SYNJ1: variants seen among roughly 807,000 people sequenced by gnomAD.
The protein encoded by SYNJ1 is synaptojanin 1, also known as polyphosphatidylinositol phosphatase SYNJ1.
A neutral mutation model predicts 168.2 loss-of-function variants in SYNJ1; 78 were observed. The ratio of observed to expected loss-of-function variants is 0.46; its 90% CI spans 0.39 to 0.56. The LOEUF is 0.56. Ranked by LOEUF, SYNJ1 falls within the 20% of genes least tolerant of loss-of-function variation. The pLI, the probability that SYNJ1 is intolerant of heterozygous loss-of-function variation, is 0.00. For missense variants in SYNJ1, 1,303 were observed against 1,597.6 expected (o/e 0.82, Z 3.14); for synonymous variants, 539 against 548.6 (o/e 0.98, Z 0.24).
chr21:32,679,634 CA>C (rs2041546538), intron 11 of SYNJ1, among the ~76,000 whole-genome samples: 1 of 152,120 alleles, frequency 6.6e-6, no homozygotes, highest in Non-Finnish European at 1.5e-5. Context: ...AACAGTAACT[CA>C]AGGCTTCTTT....
chr21:32,672,132 G>C (rs542351208), intron 14 of SYNJ1, among the ~76,000 whole-genome samples: 10 of 143,038 alleles, frequency 7.0e-5, no homozygotes, highest in African/African-American at 2.6e-4. Flanking sequence ...TTAATAAAAA[G>C]TTTGGGGAGA....
intron 2 of SYNJ1, among the ~76,000 whole-genome samples, chr21:32,709,569 G>A (rs1175581791): frequency 6.8e-6 from 1 of 147,838 alleles, no homozygotes; most frequent in Non-Finnish European, 1.5e-5. Context: ...CTAGGCTAGA[G>A]TGCAGTGACG....
chr21:32,716,910 A>G (rs1480211711), intron 2 of SYNJ1, among the ~76,000 whole-genome samples: 1 of 149,980 alleles, frequency 6.7e-6, no homozygotes, highest in African/African-American at 2.4e-5. Flanking sequence ...TTCTTCTACA[A>G]TGTCTAATAT....
intron 13 of SYNJ1, 40 bp from the exon 14 acceptor site, chr21:32,673,571 A>AACCATTT: frequency 2.0e-6 from 3 of 1,503,062 alleles, no homozygotes; most frequent in Non-Finnish European, 2.7e-6. Flanking sequence ...AGCTGCATCA[A>AACCATTT]ACCATTTATA....
intron 2 of SYNJ1, among the ~76,000 whole-genome samples, chr21:32,712,005 T>C (rs1455318941): frequency 6.6e-6 from 1 of 152,226 alleles, no homozygotes; most frequent in African/African-American, 2.4e-5. Context: ...TTCTGATGGA[T>C]TATAATAATT....
At chr21:32,718,152 G>A (rs1473665467) in intron 2 of SYNJ1, among the ~76,000 whole-genome samples, 2 of 152,194 alleles carry the variant, frequency 1.3e-5, no homozygotes, top group African/African-American at 4.8e-5. Context: ...TATAGGACAA[G>A]TTAGAACATC....
At chr21:32,699,741 C>T in intron 4 of SYNJ1, 97 bp downstream of exon 4, 2 of 1,455,928 alleles carry the variant, frequency 1.4e-6, no homozygotes, top group Non-Finnish European at 1.8e-6. Flanking sequence ...AGGGTTCTTC[C>T]TCCTTTCTTG....
intron 2 of SYNJ1, among the ~76,000 whole-genome samples, chr21:32,706,828 T>C (rs993342998): frequency 2.0e-5 from 3 of 152,158 alleles, no homozygotes; most frequent in Non-Finnish European, 4.4e-5. Context: ...ACTTCTCTGA[T>C]AATTTAATTC....
intron 2 of SYNJ1, among the ~76,000 whole-genome samples, chr21:32,707,809 G>C (rs2042669430): frequency 6.6e-6 from 1 of 152,180 alleles, no homozygotes; most frequent in Non-Finnish European, 1.5e-5. Context: ...CTGAGGTTGG[G>C]AGATCGAAAC....
rs757330059 is a variant in SYNJ1 at position 32,657,040 on chromosome 21, G to A, written c.2542C>T (p.His848Tyr). The change falls in exon 20 of 33, where the codon CAC (histidine) becomes TAC (tyrosine). Residue 848 changes from histidine to tyrosine, a missense_variant. Physicochemically the swap from His to Tyr is moderately conservative, Grantham distance 83 (BLOSUM62 2). Around this residue, in one of 2 missense-constraint regions of SYNJ1, gnomAD observed 920 missense variants for 1,208.8 expected, o/e 0.76. Transcript: ENST00000674351. The part of the protein sequence containing the change: ...LYTWTPGTLL[H>Y]YGRAELKTSD... ...GTCTTCAGCTCAGCTCTTCCATAGT[G>A]CAGCAAAGTGCCTGGAGTCCACGTG... The A allele has an allele frequency of 6.0e-5, 97 of 1,614,052 alleles. No homozygotes were observed. Among genetic ancestry groups the A allele is most frequent in the Non-Finnish European group, 1.1e-5 (13 of 1,180,034 alleles).
chr21:32,666,294 C>A lies in SYNJ1; in HGVS notation c.1952+139G>T, dbSNP rs1228332951. ...GTGAAGCTATTGGTGAGTCTTTAATCAAAACCCCCAAAACCCCATTTTAAA... is the reference window on the plus strand; with the variant it reads ...GTGAAGCTATTGGTGAGTCTTTAATAAAAACCCCCAAAACCCCATTTTAAA... On this transcript the variant is annotated intron_variant, in intron 16 of 32. Coordinates refer to ENST00000674351, the MANE Select transcript of SYNJ1 (RefSeq NM_203446.3). 3 of 1,451,190 alleles carry A rather than the reference C, an allele frequency of 2.1e-6. No homozygotes were observed. In the African/African-American group the frequency reaches 4.3e-5, roughly 21 times the overall value. 89.9% of individuals were successfully genotyped at this position (1,451,190 alleles called of 1,614,324 possible). A position where few individuals can be genotyped will look rare whatever the true frequency, so the allele number is the denominator to read the frequency against.
At chr21:32,675,873 A>G (rs891879711) in intron 13 of SYNJ1, among the ~76,000 whole-genome samples, 7 of 152,228 alleles carry the variant, frequency 4.6e-5, no homozygotes, top group African/African-American at 1.4e-4. Context: ...TATTTCATTC[A>G]CAATAAGGAA....
chr21:32,640,989 A>G (rs2039810379), intron 29 of SYNJ1, among the ~76,000 whole-genome samples: 1 of 152,218 alleles, frequency 6.6e-6, no homozygotes. Flanking sequence ...GGGATCAGTG[A>G]ATGGCAAATT....
At chr21:32,673,713 C>T (rs1223320663) in intron 13 of SYNJ1, among the ~76,000 whole-genome samples, 182 bp from the exon 14 acceptor site, 2 of 146,830 alleles carry the variant, frequency 1.4e-5, no homozygotes, top group South Asian at 2.1e-4. Context: ...TGGTATGAGG[C>T]AATTAACCAA....
At chr21:32,658,798 G>A (rs1324611808) in intron 18 of SYNJ1, among the ~76,000 whole-genome samples, 1 of 152,208 alleles carries the variant, frequency 6.6e-6, no homozygotes, top group Non-Finnish European at 1.5e-5. Flanking sequence ...AGTGAGCAGA[G>A]TTCGCCCCGC....
At chr21:32,681,227 T>C (rs919886947) in intron 11 of SYNJ1, among the ~76,000 whole-genome samples, 2 of 152,020 alleles carry the variant, frequency 1.3e-5, no homozygotes, top group African/African-American at 4.8e-5. Context: ...AAAAGAGCAA[T>C]ATATATCATC....
At position 32,646,391 on chromosome 21, in the gene SYNJ1, A is replaced by C; in HGVS notation, c.3247+2T>G. Reference sequence around the variant, plus strand: ...TACAAAACTTTCAAATAAAATGCATACTCTGTGCACTGGGAGGCCCAGGAG... The same window carrying C: ...TACAAAACTTTCAAATAAAATGCATCCTCTGTGCACTGGGAGGCCCAGGAG... On this transcript the variant is annotated splice_donor_variant, in intron 24 of 32. Coordinates refer to ENST00000674351, the MANE Select transcript of SYNJ1 (RefSeq NM_203446.3). LOFTEE classifies it high-confidence loss of function. 7 of 1,613,498 alleles carry C rather than the reference A, an allele frequency of 4.3e-6. No individual in the cohort carries two copies. The highest frequency in any genetic ancestry group is 5.9e-6 in the Non-Finnish European group (7 of 1,179,612).
chr21:32,634,935 A>G (rs763800448), intron 31 of SYNJ1, 51 bp from the exon 32 acceptor site: 2 of 1,597,816 alleles, frequency 1.3e-6, no homozygotes, highest in South Asian at 2.2e-5. Context: ...GGACAATCCG[A>G]GATCAACCAG....
intron 18 of SYNJ1, among the ~76,000 whole-genome samples, chr21:32,662,374 C>A (rs536643509): frequency 1.3e-5 from 2 of 152,314 alleles, no homozygotes; most frequent in East Asian, 3.9e-4. Flanking sequence ...AACAATCTTT[C>A]TGTTCTATAG....
Sources: gnomAD v4.1 joint callset for allele counts (sites outside exome capture counted in the v4.1 genomes callset) on GRCh38, gnomAD v4.1.1 for gene constraint, gnomAD v4.1.1 regional missense constraint, MANE v1.5 for transcripts, NCBI Gene and HGNC (gene_info 2026-07-23, HGNC 2026-07-21) for gene names.